PPM1H: variants seen among roughly 807,000 people sequenced by gnomAD.
PPM1H encodes protein phosphatase 1H.
In PPM1H, 27 loss-of-function variants were observed where a neutral mutation model predicts 54.9. The observed-to-expected ratio is 0.49, with a 90% confidence interval of 0.36 to 0.68. The LOEUF (loss-of-function observed/expected upper bound fraction) is 0.68, where lower values mean the gene tolerates loss of function less well. Among genes scored for constraint, PPM1H ranks in the 30% least tolerant of loss-of-function variants. The pLI, the probability that PPM1H is intolerant of heterozygous loss-of-function variation, is 0.00. For missense variants in PPM1H, 596 were observed against 667.8 expected (o/e 0.89, Z 1.19); for synonymous variants, 305 against 270.8 (o/e 1.13, Z -1.24).
chr12:62,877,753 G>A (rs1288129996), intron 1 of PPM1H, among the ~76,000 whole-genome samples: 1 of 152,154 alleles, frequency 6.6e-6, no homozygotes, highest in African/African-American at 2.4e-5. Context: ...CATTTGCTGA[G>A]TGAAACCAGG....
At position 62,934,939 on chromosome 12, in the gene PPM1H, C is replaced by T; in HGVS notation, c.-203G>A. On this transcript the variant is annotated 5_prime_UTR_variant, in exon 1 of 10. Transcript: ENST00000228705. The surrounding 1 kb of genome is among the most constrained non-coding windows in gnomAD (Gnocchi z 4.2). ...GTGCTTAGTGCCGCGGTGGCCGCCG[C>T]CTCCCCCCGCTACACTTCCGCAACG... 1 of 332,838 alleles carries T rather than the reference C, an allele frequency of 3.0e-6. No homozygotes were observed. The highest frequency in any genetic ancestry group is 6.3e-5 in the East Asian group (1 of 15,760). 20.6% of individuals were successfully genotyped at this position (332,838 alleles called of 1,614,324 possible). A position where few individuals can be genotyped will look rare whatever the true frequency, so the allele number is the denominator to read the frequency against.
intron 9 of PPM1H, chr12:62,659,111 G>T: frequency 1.4e-6 from 1 of 733,414 alleles, no homozygotes; most frequent in Non-Finnish European, 2.5e-6. Flanking sequence ...ACTGTGCTGA[G>T]ATCATTCACA....
At chr12:62,858,981 C>T (rs1869499045) in intron 1 of PPM1H, among the ~76,000 whole-genome samples, 1 of 152,184 alleles carries the variant, frequency 6.6e-6, no homozygotes, top group South Asian at 2.1e-4. Flanking sequence ...ATTAATTTCT[C>T]ATTATTTGCT....
chr12:62,702,582 A>AGAGAG (rs1592552268), intron 6 of PPM1H, among the ~76,000 whole-genome samples: 1 of 87,584 alleles, frequency 1.1e-5, no homozygotes, highest in Non-Finnish European at 2.3e-5. Flanking sequence ...GAGAGAGAGA[A>AGAGAG]ATACCACTTG....
chr12:62,854,521 T>C (rs569520056), intron 1 of PPM1H, among the ~76,000 whole-genome samples: 4 of 152,282 alleles, frequency 2.6e-5, no homozygotes, highest in South Asian at 2.1e-4. Context: ...TAGCTCAGTT[T>C]CTCCACCTAA....
chr12:62,881,032 C>A (rs541874630), intron 1 of PPM1H, among the ~76,000 whole-genome samples: 10 of 152,292 alleles, frequency 6.6e-5, no homozygotes, highest in African/African-American at 1.9e-4. Context: ...AATGGTGTCC[C>A]CTTGTAACTC....
intron 9 of PPM1H, 112 bp from the exon 10 acceptor site, chr12:62,648,748 ATACACT>A (rs756483720): frequency 5.1e-6 from 6 of 1,179,860 alleles, no homozygotes; most frequent in Non-Finnish European, 7.1e-6. Flanking sequence ...TAAGTTTCAA[ATACACT>A]TACAATACGA....
At chr12:62,748,199 C>T (rs1009260531) in intron 4 of PPM1H, among the ~76,000 whole-genome samples, 4 of 151,374 alleles carry the variant, frequency 2.6e-5, no homozygotes, top group Non-Finnish European at 4.4e-5. Flanking sequence ...GCCGAGATTG[C>T]GCCACTGTAC....
At chr12:62,845,542 A>G (rs1158001005) in intron 1 of PPM1H, among the ~76,000 whole-genome samples, 1 of 152,166 alleles carries the variant, frequency 6.6e-6, no homozygotes, top group Non-Finnish European at 1.5e-5. Context: ...AAAAATGGAA[A>G]TTTCATTGAC....
chr12:62,916,640 CAA>C (rs1212394833), intron 1 of PPM1H, among the ~76,000 whole-genome samples: 1 of 149,202 alleles, frequency 6.7e-6, no homozygotes, highest in Admixed American at 6.7e-5. Context: ...TTTTTGGTGA[CAA>C]AAAAATTACT....
At chr12:62,753,732 C>T in intron 4 of PPM1H, among the ~76,000 whole-genome samples, 1 of 152,174 alleles carries the variant, frequency 6.6e-6, no homozygotes, top group East Asian at 1.9e-4. Flanking sequence ...TGGGGGCTTG[C>T]CTGGGAGAAT....
At chr12:62,739,990 A>G (rs1025860709) in intron 4 of PPM1H, among the ~76,000 whole-genome samples, 2 of 151,590 alleles carry the variant, frequency 1.3e-5, no homozygotes, top group Admixed American at 1.3e-4. Flanking sequence ...AGTTACTCCC[A>G]CTCCTGTATT....
intron 4 of PPM1H, among the ~76,000 whole-genome samples, chr12:62,774,916 T>A (rs1324424561): frequency 1.3e-5 from 2 of 152,212 alleles, no homozygotes; most frequent in South Asian, 2.1e-4. Flanking sequence ...GCCGGCTATC[T>A]GTGGGAACTT....
chr12:62,712,498 G>C (rs149196142), intron 6 of PPM1H, among the ~76,000 whole-genome samples: 1 of 152,218 alleles, frequency 6.6e-6, no homozygotes, highest in South Asian at 2.1e-4. Context: ...GTGGCATGAC[G>C]GCAACATCAG....
intron 1 of PPM1H, among the ~76,000 whole-genome samples, chr12:62,856,668 C>T (rs571578674): frequency 6.6e-6 from 1 of 152,134 alleles, no homozygotes; most frequent in Non-Finnish European, 1.5e-5. Context: ...CATTATGTAT[C>T]CCATAAATAT....
intron 8 of PPM1H, among the ~76,000 whole-genome samples, chr12:62,682,149 T>C (rs1044268650): frequency 6.6e-6 from 1 of 152,218 alleles, no homozygotes; most frequent in Non-Finnish European, 1.5e-5. Context: ...TTAAAACAAA[T>C]TTTTCTTCCT....
At chr12:62,803,097 T>C (rs552983636) in intron 2 of PPM1H, among the ~76,000 whole-genome samples, 5 of 152,228 alleles carry the variant, frequency 3.3e-5, no homozygotes, top group Non-Finnish European at 7.3e-5. Context: ...ACAGCCAGTC[T>C]AGCCCAGGCC....
chr12:62,864,639 C>A (rs1176922583), intron 1 of PPM1H, among the ~76,000 whole-genome samples: 1 of 152,138 alleles, frequency 6.6e-6, no homozygotes, highest in African/African-American at 2.4e-5. Context: ...GAAATCCAAA[C>A]CTCTCTTTAA....
Position 62,648,651 on chromosome 12 carries a change from C to G in PPM1H, c.1398-15G>C. 1 of 1,613,034 alleles carries G rather than the reference C, an allele frequency of 6.2e-7. No individual in the cohort carries two copies. Among genetic ancestry groups the G allele is most frequent in the Non-Finnish European group, 8.5e-7 (1 of 1,179,472 alleles). On this transcript the variant is annotated splice_polypyrimidine_tract_variant and intron_variant, in intron 9 of 9. Coordinates refer to ENST00000228705, the MANE Select transcript of PPM1H (RefSeq NM_020700.2). ...CCAGTGTGTACCTACACAGGAGAAC[C>G]AGGAACGAGACAGTCAGTAGAGCAT...
Sources: gnomAD v4.1 joint callset for allele counts (sites outside exome capture counted in the v4.1 genomes callset) on GRCh38, gnomAD v4.1.1 for gene constraint, Gnocchi (gnomAD v3.1) non-coding constraint, MANE v1.5 for transcripts, NCBI Gene and HGNC (gene_info 2026-07-23, HGNC 2026-07-21) for gene names.